The following ADGRG1 variants were observed in gnomAD, a reference collection of about 807,000 sequenced individuals.
The protein encoded by ADGRG1 is adhesion G protein-coupled receptor G1.
Under a neutral mutation model 73.5 loss-of-function variants are expected in ADGRG1, and 53 were observed. The observed-to-expected ratio is 0.72, with a 90% CI of 0.58 to 0.91. The LOEUF is 0.91. Among genes scored for constraint, ADGRG1 ranks in the 40% least tolerant of loss-of-function variants. The pLI, the probability that ADGRG1 is intolerant of heterozygous loss-of-function variation, is 0.00. For missense variants in ADGRG1, 795 were observed against 871.8 expected (o/e 0.91, Z 1.11); for synonymous variants, 394 against 374.4 (o/e 1.05, Z -0.60).
At chr16:57,627,762 G>A, upstream of ADGRG1, 1 of 983,756 alleles carries the variant, frequency 1.0e-6, no homozygotes, top group Non-Finnish European at 1.2e-6. Flanking sequence ...AGCCTCTGCA[G>A]GGAGTGTGAG....
In ADGRG1 at chr16:57,664,561, C is replaced by T. The variant is rs1446979854; in HGVS notation, c.*979C>T. On this transcript the variant is annotated 3_prime_UTR_variant, in exon 14 of 14. Coordinates refer to ENST00000562631, the MANE Select transcript of ADGRG1 (RefSeq NM_201525.4). ...CATCCCACCACTCCAAGGACTGAGA[C>T]TGACCTCCTCTGGTGACACTGGCCT... The T allele has an allele frequency of 1.3e-5, 2 of 152,404 alleles. No homozygotes were observed. The highest frequency in any genetic ancestry group is 4.8e-5 in the African/African-American group (2 of 41,460). 9.4% of individuals were successfully genotyped at this position (152,404 alleles called of 1,614,324 possible). A position where few individuals can be genotyped will look rare whatever the true frequency, so the allele number is the denominator to read the frequency against.
intron 1 of ADGRG1, chr16:57,645,872 TTGGCAAGGAA>T (rs2042511507): frequency 2.0e-5 from 3 of 152,166 alleles, no homozygotes; most frequent in African/African-American, 4.8e-5. Flanking sequence ...TGCGTTAATT[TTGGCAAGGAA>T]TGGACGGGTA....
intron 1 of ADGRG1, among the ~76,000 whole-genome samples, chr16:57,638,928 G>A (rs1270703834): frequency 2.0e-5 from 3 of 152,038 alleles, no homozygotes; most frequent in African/African-American, 4.8e-5. Flanking sequence ...AAATTAGCCG[G>A]GCATGGTGGT....
chr16:57,663,886 C>A lies in ADGRG1; in HGVS notation c.*304C>A, dbSNP rs35572780. 0.017 allele frequency: 8,309 copies of A among 477,328 alleles called. 98 individuals carry two copies. Among genetic ancestry groups the A allele is most frequent in the Non-Finnish European group, 0.026 (6,711 of 259,986 alleles). 29.6% of individuals were successfully genotyped at this position (477,328 alleles called of 1,614,324 possible). On this transcript the variant is annotated 3_prime_UTR_variant, in exon 14 of 14. Coordinates refer to ENST00000562631, the MANE Select transcript of ADGRG1 (RefSeq NM_201525.4). ...CTGGAGGCCTGGTCTCTCCTTACAA[C>A]CCCTGGGCCCAGCCCTCATTGCTGG...
chr16:57,661,979 C>T lies in ADGRG1; in HGVS notation c.1933+14C>T, dbSNP rs762636441. 1.9e-6 allele frequency: 3 copies of T among 1,604,070 alleles called. No individual in the cohort carries two copies. The highest frequency in any genetic ancestry group is 2.2e-5 in the South Asian group (2 of 90,900). On this transcript the variant is annotated intron_variant, in intron 13 of 13. Coordinates refer to ENST00000562631, the MANE Select transcript of ADGRG1 (RefSeq NM_201525.4). ...CCTCCTTCCAAGGTAAGGAGAAGAC[C>T]CGTCCCTTGGCCCAGGCAGGGTGTC...
chr16:57,659,194 C>T (rs538022063), intron 10 of ADGRG1: 8 of 985,358 alleles, frequency 8.1e-6, no homozygotes, highest in East Asian at 1.1e-4. Context: ...TAAACGTGCA[C>T]GTGGTGCCTG....
rs954719835 is a variant in ADGRG1, at chr16:57,642,463, C to T, written c.-35-7790C>T. 7 of 985,180 alleles carry T rather than the reference C, an allele frequency of 7.1e-6. No homozygotes were observed. In the Admixed American group the frequency reaches 3.1e-4, roughly 43 times the overall value. 61.0% of individuals were successfully genotyped at this position (985,180 alleles called of 1,614,324 possible). A position where few individuals can be genotyped will look rare whatever the true frequency, so the allele number is the denominator to read the frequency against. On this transcript the variant is annotated intron_variant, in intron 1 of 13. Transcript: ENST00000562631. The stretch of plus-strand genomic sequence containing the variant: ...GAGGTGCTGGCAGGCTTCTGTGTGG[C>T]GTCAAGATTTCTGAGAGCTTTTTTC...
intron 1 of ADGRG1, among the ~76,000 whole-genome samples, chr16:57,640,471 C>T (rs903139553): frequency 6.6e-6 from 1 of 152,222 alleles, no homozygotes; most frequent in African/African-American, 2.4e-5. Flanking sequence ...AATGCGTGAA[C>T]ATGTGTAAAA....
chr16:57,636,759 A>G (rs2039475938), intron 1 of ADGRG1: 3 of 929,462 alleles, frequency 3.2e-6, no homozygotes, highest in Non-Finnish European at 3.9e-6. Flanking sequence ...TCTTCTATGG[A>G]CCAGGCACTG....
rs2147792699 is a variant in ADGRG1, at chr16:57,642,219, G to T, written c.-35-8034G>T. On this transcript the variant is annotated intron_variant, in intron 1 of 13. Coordinates refer to ENST00000562631, the MANE Select transcript of ADGRG1 (RefSeq NM_201525.4). ...TTAATGGAATGGCACACCTGGGACAGGCCTGGCAGTGCCCTTTTCCCCACG... is the reference window on the plus strand; with the variant it reads ...TTAATGGAATGGCACACCTGGGACATGCCTGGCAGTGCCCTTTTCCCCACG... The T allele has an allele frequency of 9.1e-6, 9 of 985,438 alleles. No homozygotes were observed. In the South Asian group the frequency reaches 3.8e-4, roughly 41 times the overall value. 61.0% of individuals were successfully genotyped at this position (985,438 alleles called of 1,614,324 possible).
chr16:57,660,715 A>G, intron 11 of ADGRG1, 53 bp from the exon 12 acceptor site: 1 of 1,459,950 alleles, frequency 6.8e-7, no homozygotes, highest in African/African-American at 1.4e-5. Flanking sequence ...CCAGCAGGGA[A>G]TGGGCAGGCC....
At chr16:57,630,779 A>G (rs1335607591) in intron 1 of ADGRG1, 11 of 274,038 alleles carry the variant, frequency 4.0e-5, no homozygotes, top group Non-Finnish European at 5.6e-5. Flanking sequence ...TGGGCTTGGG[A>G]GAAGGTGGGA....
intron 11 of ADGRG1, chr16:57,660,366 G>A: frequency 1.0e-6 from 1 of 985,088 alleles, no homozygotes; most frequent in Admixed American, 6.1e-5. Context: ...CCCCCTCTAG[G>A]GAGCTTCTAA....
chr16:57,661,697 G>A lies in ADGRG1; in HGVS notation c.1665G>A (p.Met555Ile). Residue 555 changes from methionine (M) to isoleucine (I), a missense_variant and splice_region_variant, in exon 13 of 14, where the codon ATG (methionine) becomes ATA (isoleucine). Transcript: ENST00000562631. ...RTPEGVIYPS[M>I]CWIRDSLVSY... ...TGAGCCCTCCTGCCTTTGCCCGCAG[G>A]TGCTGGATCCGGGACTCCCTGGTCA... 6.2e-7 allele frequency: 1 copy of A among 1,613,354 alleles called. No homozygotes were observed. Among genetic ancestry groups the A allele is most frequent in the Non-Finnish European group, 8.5e-7 (1 of 1,179,678 alleles).
intron 1 of ADGRG1, chr16:57,632,706 C>A: frequency 5.8e-6 from 5 of 858,412 alleles, no homozygotes; most frequent in Non-Finnish European, 7.0e-6. Context: ...CTGGCGCCTG[C>A]GCAGGCTCAG....
Position 57,634,030 on chromosome 16 carries a change from G to A in ADGRG1, c.-36+5228G>A, listed in dbSNP as rs570785267. On this transcript the variant is annotated intron_variant, in intron 1 of 13. Coordinates refer to ENST00000562631, the MANE Select transcript of ADGRG1 (RefSeq NM_201525.4). ...AGCTGGAGCCATTACCCACAGAACC[G>A]CCGACCTTTCAAAGGACCAGAGGCC... 9.9e-5 allele frequency: 97 copies of A among 978,650 alleles called. No homozygotes were observed. The African/African-American group carries it at 1.3e-3, about 13-fold the overall frequency. 60.6% of individuals were successfully genotyped at this position (978,650 alleles called of 1,614,324 possible).
At chr16:57,629,251 A>G in intron 1 of ADGRG1, 2 of 826,702 alleles carry the variant, frequency 2.4e-6, no homozygotes, top group East Asian at 1.2e-4. Context: ...CGGACCCACA[A>G]GGAGATGCCT....
At chr16:57,636,502 G>A (rs948021287) in intron 1 of ADGRG1, 1 of 985,180 alleles carries the variant, frequency 1.0e-6, no homozygotes, top group South Asian at 4.7e-5. Context: ...GTGTGCTCCT[G>A]ATCCTGTTAG....
intron 10 of ADGRG1, among the ~76,000 whole-genome samples, chr16:57,657,715 G>C (rs1266109951): frequency 6.6e-6 from 1 of 152,060 alleles, no homozygotes; most frequent in Non-Finnish European, 1.5e-5. Flanking sequence ...TGTCGACATT[G>C]TATTTATTTA....
Sources: allele counts gnomAD v4.1 joint callset (sites outside exome capture counted in the v4.1 genomes callset), GRCh38; gene constraint gnomAD v4.1.1; transcripts MANE v1.5; gene names NCBI Gene and HGNC (gene_info 2026-07-23, HGNC 2026-07-21).